The following RGS7 variants were observed in gnomAD, a reference collection of about 807,000 sequenced individuals.
The protein encoded by RGS7 is regulator of G-protein signaling 7.
In RGS7, 27 loss-of-function variants were observed where a neutral mutation model predicts 81.1. That is an observed-to-expected ratio of 0.33 (90% CI 0.25 to 0.46). The LOEUF is 0.46. Among genes scored for constraint, RGS7 ranks in the 20% least tolerant of loss-of-function variants. The probability of loss-of-function intolerance (pLI) is 1.00; values close to 1 mark genes in which losing one functional copy is unlikely to be tolerated. For synonymous variants in RGS7, 208 were observed against 207.7 expected (o/e 1.00, Z -0.01); for missense variants, 396 against 607.4 (o/e 0.65, Z 3.66).
chr1:240,837,008 C>T (rs1694833669), intron 9 of RGS7, among the ~76,000 whole-genome samples: 1 of 152,164 alleles, frequency 6.6e-6, no homozygotes, highest in Admixed American at 6.5e-5. Flanking sequence ...CTAGGAATTG[C>T]CTTGCAGGTA....
At chr1:240,808,002 T>A (rs567902343) in intron 14 of RGS7, among the ~76,000 whole-genome samples, 1 of 142,118 alleles carries the variant, frequency 7.0e-6, no homozygotes, top group African/African-American at 2.7e-5. Context: ...GCCATTGCAC[T>A]CTAGCCTGGG....
intron 2 of RGS7, among the ~76,000 whole-genome samples, chr1:241,306,507 C>A (rs1351770415): frequency 6.6e-6 from 1 of 151,664 alleles, no homozygotes; most frequent in Non-Finnish European, 1.5e-5. Flanking sequence ...CACAAACACC[C>A]TCACATGGCC....
chr1:240,904,230 A>G (rs1259157085), intron 6 of RGS7, among the ~76,000 whole-genome samples: 2 of 152,198 alleles, frequency 1.3e-5, no homozygotes, highest in African/African-American at 4.8e-5. Context: ...TAAAATTAAG[A>G]TAATTAACTA....
At chr1:240,801,594 A>ATTTGCACAGAATGTG in intron 16 of RGS7, 86 bp from the exon 17 acceptor site, 1 of 935,344 alleles carries the variant, frequency 1.1e-6, no homozygotes, top group Non-Finnish European at 1.7e-6. Flanking sequence ...GAGCAGAAAA[A>ATTTGCACAGAATGTG]GACAGGATAA....
chr1:241,084,636 C>A (rs775295162), intron 3 of RGS7, among the ~76,000 whole-genome samples: 4 of 152,150 alleles, frequency 2.6e-5, no homozygotes, highest in Non-Finnish European at 5.9e-5. Context: ...TCAAATTTTG[C>A]TCTTACCAGT....
intron 2 of RGS7, among the ~76,000 whole-genome samples, chr1:241,108,165 G>A (rs2065253881): frequency 6.6e-6 from 1 of 151,954 alleles, no homozygotes; most frequent in African/African-American, 2.4e-5. Context: ...GTAGCTGGGC[G>A]TAGTGACGCG....
chr1:240,834,444 G>C (rs1324638705), intron 9 of RGS7, among the ~76,000 whole-genome samples: 1 of 152,160 alleles, frequency 6.6e-6, no homozygotes, highest in Non-Finnish European at 1.5e-5. Flanking sequence ...AGGTTGAGTA[G>C]AAGTCACAGA....
chr1:241,262,197 C>T (rs1029205196), intron 2 of RGS7, among the ~76,000 whole-genome samples: 1 of 152,106 alleles, frequency 6.6e-6, no homozygotes, highest in African/African-American at 2.4e-5. Context: ...AGAAGAAGGC[C>T]TCTCTGTATG....
At chr1:240,980,210 TAA>T (rs1391363583) in intron 4 of RGS7, among the ~76,000 whole-genome samples, 11 of 152,176 alleles carry the variant, frequency 7.2e-5, no homozygotes, top group African/African-American at 2.7e-4. Context: ...AATGAGTTAT[TAA>T]GTGCTCATTG....
intron 3 of RGS7, among the ~76,000 whole-genome samples, chr1:241,034,245 T>C (rs1401379911): frequency 6.6e-6 from 1 of 152,222 alleles, no homozygotes; most frequent in African/African-American, 2.4e-5. Context: ...TTTCTTAGCT[T>C]GGTCTGCATA....
intron 3 of RGS7, 100 bp downstream of exon 3, chr1:241,098,566 G>T: frequency 1.3e-6 from 1 of 797,676 alleles, no homozygotes; most frequent in Non-Finnish European, 2.2e-6. Context: ...CTGAATAATG[G>T]ATTAGAGACA....
chr1:240,968,480 C>T (rs145183575), intron 4 of RGS7, among the ~76,000 whole-genome samples: 35 of 151,658 alleles, frequency 2.3e-4, no homozygotes, highest in African/African-American at 7.0e-4. Flanking sequence ...TTAGTGAGCA[C>T]GGCAGGAAGC....
intron 3 of RGS7, among the ~76,000 whole-genome samples, chr1:241,018,312 C>G (rs1016556683): frequency 1.9e-4 from 29 of 151,786 alleles, no homozygotes; most frequent in African/African-American, 7.0e-4. Context: ...TGTGTTTTTT[C>G]CTCATGTTTT....
At chr1:241,147,180 G>T (rs1163200133) in intron 2 of RGS7, among the ~76,000 whole-genome samples, 1 of 152,102 alleles carries the variant, frequency 6.6e-6, no homozygotes, top group African/African-American at 2.4e-5. Context: ...CCACCTTCCA[G>T]AAAGAAATTA....
At chr1:240,864,300 T>C (rs1283496468) in intron 9 of RGS7, among the ~76,000 whole-genome samples, 1 of 152,176 alleles carries the variant, frequency 6.6e-6, no homozygotes, top group Non-Finnish European at 1.5e-5. Context: ...ATGTTCCATA[T>C]TATGGAAGGG....
intron 3 of RGS7, among the ~76,000 whole-genome samples, chr1:240,991,824 G>A (rs1189282312): frequency 6.6e-6 from 1 of 152,238 alleles, no homozygotes; most frequent in African/African-American, 2.4e-5. Flanking sequence ...AATTCCATAT[G>A]CTAGCTGGTA....
At chr1:240,833,284 G>A (rs571549573) in intron 9 of RGS7, among the ~76,000 whole-genome samples, 1 of 152,288 alleles carries the variant, frequency 6.6e-6, no homozygotes, top group African/African-American at 2.4e-5. Flanking sequence ...CATGTTCCAG[G>A]TGGGGCAGAA....
chr1:241,010,198 G>T (rs927217355), intron 3 of RGS7, among the ~76,000 whole-genome samples: 1 of 152,074 alleles, frequency 6.6e-6, no homozygotes, highest in Admixed American at 6.6e-5. Context: ...AAAAAGAAAA[G>T]AAACATGGTA....
Position 240,920,405 on chromosome 1 carries a change from C to A in RGS7, c.385+10312G>T, listed in dbSNP as rs916145082. 5 of 1,433,670 alleles carry A rather than the reference C, an allele frequency of 3.5e-6. No homozygotes were observed. In the Admixed American group the frequency reaches 8.4e-5, roughly 24 times the overall value. 88.8% of individuals were successfully genotyped at this position (1,433,670 alleles called of 1,614,324 possible). A position where few individuals can be genotyped will look rare whatever the true frequency, so the allele number is the denominator to read the frequency against. On this transcript the variant is annotated intron_variant, in intron 6 of 18. Transcript: ENST00000440928. The stretch of plus-strand genomic sequence containing the variant: ...ATAATGGATTTGGTAATGATGCCAG[C>A]AATTTTGGAGGTGGTGGAAGCTACA...
Sources: gnomAD v4.1 joint callset for allele counts (sites outside exome capture counted in the v4.1 genomes callset) on GRCh38, gnomAD v4.1.1 for gene constraint, MANE v1.5 for transcripts, NCBI Gene and HGNC (gene_info 2026-07-23, HGNC 2026-07-21) for gene names.